The following PRKCA variants were observed in gnomAD, a reference collection of about 807,000 sequenced individuals.
The protein encoded by PRKCA is protein kinase C alpha.
PRKCA carries 27 observed loss-of-function variants against 87.0 expected under a neutral mutation model. The observed-to-expected ratio is 0.31, with a 90% CI of 0.23 to 0.43. The LOEUF (loss-of-function observed/expected upper bound fraction) is 0.43. PRKCA is among the 20% of genes least tolerant of loss of function. PRKCA has a pLI of 1.00. For missense variants in PRKCA, 518 were observed against 852.3 expected, an observed-to-expected ratio of 0.61 and a Z score of 4.88; for synonymous variants, 329 against 311.1, an observed-to-expected ratio of 1.06 and a Z score of -0.61.
intron 16 of PRKCA, among the ~76,000 whole-genome samples, chr17:66,798,644 G>A (rs370501330): frequency 2.7e-4 from 1 of 3,668 alleles, no homozygotes. Context: ...GGTGGTGGTG[G>A]TGGTGGTGGT....
chr17:66,455,916 A>G (rs1435290435), intron 2 of PRKCA, among the ~76,000 whole-genome samples: 1 of 152,094 alleles, frequency 6.6e-6, no homozygotes, highest in Admixed American at 6.6e-5. Flanking sequence ...GAACCTCACA[A>G]TGTCACCTTA....
chr17:66,383,446 AT>A (rs1227940889), intron 2 of PRKCA, among the ~76,000 whole-genome samples: 3 of 151,804 alleles, frequency 2.0e-5, no homozygotes, highest in African/African-American at 7.3e-5. Flanking sequence ...TATGTGTTTG[AT>A]TAGTAATGCT....
At position 66,765,327 on chromosome 17, in the gene PRKCA, C is replaced by T. The variant is rs547025109; in HGVS notation, c.1525-8660C>T. 6.7e-5 allele frequency among the ~76,000 whole-genome samples: 10 copies of T among 149,588 alleles called. No individual in the cohort carries two copies. In the East Asian group the frequency reaches 1.2e-3, roughly 18 times the overall value. ...ACTCGGGAGACTGAGGCGGGAGAAT[C>T]GCTTGAACCTGGGAGGCAGAGGTTG... On this transcript the variant is annotated intron_variant, in intron 13 of 16. Coordinates refer to ENST00000413366, the MANE Select transcript of PRKCA (RefSeq NM_002737.3).
At chr17:66,470,998 CTT>C (rs757780852) in intron 2 of PRKCA, among the ~76,000 whole-genome samples, 10 of 138,914 alleles carry the variant, frequency 7.2e-5, no homozygotes, top group Non-Finnish European at 9.5e-5. Context: ...TATTTGGGAA[CTT>C]TTTTTTTTTT....
intron 2 of PRKCA, among the ~76,000 whole-genome samples, chr17:66,334,419 CTT>C (rs1238245355): frequency 6.6e-6 from 1 of 151,752 alleles, no homozygotes; most frequent in Non-Finnish European, 1.5e-5. Flanking sequence ...ATTTTTAGGT[CTT>C]TTGTTAAGAA....
chr17:66,777,175 A>C (rs1975074750), intron 14 of PRKCA: 3 of 984,030 alleles, frequency 3.0e-6, no homozygotes, highest in East Asian at 2.3e-4. Flanking sequence ...TGCCCTGCCC[A>C]TGTCCGAACA....
intron 11 of PRKCA, 70 bp downstream of exon 11, chr17:66,738,925 C>A (rs1974098179): frequency 8.2e-7 from 1 of 1,217,584 alleles, no homozygotes; most frequent in East Asian, 2.5e-5. Context: ...TCCTTTTTTC[C>A]CCCCCGCTTG....
chr17:66,330,169 G>A (rs1490130236), intron 2 of PRKCA, among the ~76,000 whole-genome samples: 1 of 149,298 alleles, frequency 6.7e-6, no homozygotes, highest in Non-Finnish European at 1.5e-5. Flanking sequence ...ACAGTGGCAC[G>A]ATCTCGGCTC....
intron 2 of PRKCA, among the ~76,000 whole-genome samples, chr17:66,446,528 A>G (rs1488656260): frequency 1.3e-5 from 2 of 152,162 alleles, no homozygotes; most frequent in Admixed American, 6.5e-5. Context: ...AAGCAGTTGC[A>G]TTGTTGATGT....
intron 2 of PRKCA, among the ~76,000 whole-genome samples, chr17:66,394,939 G>C (rs8074703): frequency 0.79 from 120,511 of 152,158 alleles, 48,206 homozygotes; most frequent in South Asian, 0.87. Context: ...AACTGCTTTA[G>C]TTTATAAATT....
chr17:66,376,953 CTG>C (rs1400797653), intron 2 of PRKCA, among the ~76,000 whole-genome samples: 5 of 152,168 alleles, frequency 3.3e-5, no homozygotes, highest in African/African-American at 1.2e-4. Context: ...ATGCTGGAAA[CTG>C]TGGCACCAAA....
At chr17:66,483,305 C>A (rs1598710051) in intron 2 of PRKCA, among the ~76,000 whole-genome samples, 1 of 152,166 alleles carries the variant, frequency 6.6e-6, no homozygotes, top group African/African-American at 2.4e-5. Context: ...AGAATCTGTT[C>A]CATGACTCCC....
chr17:66,592,224 A>G (rs1450115990), intron 3 of PRKCA, among the ~76,000 whole-genome samples: 3 of 151,452 alleles, frequency 2.0e-5, no homozygotes, highest in African/African-American at 7.3e-5. Context: ...GCATGGTGCT[A>G]CATGCCTGTA....
intron 3 of PRKCA, among the ~76,000 whole-genome samples, chr17:66,551,128 T>C (rs539817380): frequency 1.3e-5 from 2 of 152,292 alleles, no homozygotes; most frequent in Admixed American, 6.5e-5. Flanking sequence ...AGTGGCACAG[T>C]CATGACTCAC....
chr17:66,337,567 T>C (rs1906779660), intron 2 of PRKCA, among the ~76,000 whole-genome samples: 1 of 151,778 alleles, frequency 6.6e-6, no homozygotes. Context: ...TTTTTTTTTT[T>C]AAGAGATGAG....
intron 2 of PRKCA, 128 bp downstream of exon 2, chr17:66,306,255 G>A (rs1904808582): frequency 4.9e-6 from 5 of 1,029,300 alleles, no homozygotes; most frequent in Non-Finnish European, 7.0e-6. Flanking sequence ...GAAATATGAG[G>A]GCTGTAAATT....
chr17:66,476,946 C>G (rs1356599484), intron 2 of PRKCA, among the ~76,000 whole-genome samples: 1 of 152,174 alleles, frequency 6.6e-6, no homozygotes, highest in Non-Finnish European at 1.5e-5. Context: ...CTGTCCTTAA[C>G]AATCCTGCAA....
intron 5 of PRKCA, among the ~76,000 whole-genome samples, chr17:66,665,493 G>C (rs1304229287): frequency 7.7e-6 from 1 of 129,654 alleles, no homozygotes; most frequent in Non-Finnish European, 1.7e-5. Flanking sequence ...GAGTGTAGGA[G>C]TGGCAAGAGG....
At chr17:66,441,164 A>C (rs1351095450) in intron 2 of PRKCA, among the ~76,000 whole-genome samples, 1 of 35,698 alleles carries the variant, frequency 2.8e-5, no homozygotes, top group African/African-American at 8.3e-5. Flanking sequence ...TCTGTCTCCA[A>C]AAAAAAAAAA....
Sources: gnomAD v4.1 joint callset for allele counts (sites outside exome capture counted in the v4.1 genomes callset) on GRCh38, gnomAD v4.1.1 for gene constraint, MANE v1.5 for transcripts, NCBI Gene and HGNC (gene_info 2026-07-23, HGNC 2026-07-21) for gene names.